Variants in FMO5 observed in about 807,000 individuals in gnomAD.
The protein encoded by FMO5 is flavin containing dimethylaniline monoxygenase 5.
Under a neutral mutation model 43.6 loss-of-function variants are expected in FMO5, and 51 were observed. The ratio of observed to expected loss-of-function variants is 1.17; its 90% CI spans 0.93 to 1.48. The LOEUF (loss-of-function observed/expected upper bound fraction) is 1.48, where lower values mean the gene tolerates loss of function less well. Among genes scored for constraint, FMO5 ranks in the 40% most tolerant of loss-of-function variants. The pLI is 0.00. For missense variants in FMO5, 644 were observed against 643.0 expected (o/e 1.00, Z -0.02); for synonymous variants, 187 against 216.5 (o/e 0.86, Z 1.20).
intron 2 of FMO5, among the ~76,000 whole-genome samples, chr1:147,221,940 A>G (rs1278754226): frequency 6.6e-6 from 1 of 152,256 alleles, no homozygotes; most frequent in Non-Finnish European, 1.5e-5. Context: ...TAGTGAGTAG[A>G]AGAAAAAGAA....
intron 8 of FMO5, among the ~76,000 whole-genome samples, chr1:147,187,869 G>T (rs1655909262): frequency 6.6e-6 from 1 of 152,212 alleles, no homozygotes; most frequent in African/African-American, 2.4e-5. Context: ...ATATCTGTGT[G>T]GTGGAGTGGG....
chr1:147,192,305 C>T (rs1215104094), intron 7 of FMO5, among the ~76,000 whole-genome samples: 58 of 152,070 alleles, frequency 3.8e-4, no homozygotes, highest in African/African-American at 1.2e-3. Flanking sequence ...TGATTTGGCT[C>T]TCTGTTTGTC....
intron 7 of FMO5, among the ~76,000 whole-genome samples, chr1:147,194,750 G>T (rs4558036): frequency 0.37 from 55,823 of 150,424 alleles, 10,832 homozygotes; most frequent in African/African-American, 0.5. Flanking sequence ...AGTATTTTAT[G>T]TCTCCTTCAC....
Position 147,225,298 on chromosome 1 carries a change from A to G in FMO5, c.-49T>C, listed in dbSNP as rs1663851263. 1 of 712,514 alleles carries G rather than the reference A, an allele frequency of 1.4e-6. No homozygotes were observed. The allele number at this position is 712,514 out of a possible 1,614,324, so 44.1% of individuals were successfully genotyped here. ...GTACCGGATCTCACCGCCTTTCCTG[A>G]AGCGCTCAACAGATCCTTCAGCTGC... On this transcript the variant is annotated 5_prime_UTR_variant, in exon 1 of 9. Coordinates refer to ENST00000254090, the MANE Select transcript of FMO5 (RefSeq NM_001461.4).
chr1:147,218,243 AT>A (rs11391075), intron 2 of FMO5, among the ~76,000 whole-genome samples: 1 of 150,272 alleles, frequency 6.7e-6, no homozygotes, highest in African/African-American at 2.4e-5. Context: ...AACATGCAGA[AT>A]TTTTTTTTTT....
intron 5 of FMO5, 89 bp from the exon 6 acceptor site, chr1:147,209,140 C>T: frequency 8.5e-7 from 1 of 1,173,526 alleles, no homozygotes; most frequent in Admixed American, 2.1e-5. Flanking sequence ...TCATTTCAGG[C>T]CCGGCGCGGT....
At chr1:147,218,530 C>T (rs7514864) in intron 2 of FMO5, among the ~76,000 whole-genome samples, 21,817 of 152,034 alleles carry the variant, frequency 0.14, 1,536 homozygotes, top group South Asian at 0.18. Flanking sequence ...GCCACCGCGC[C>T]CAGCCTCAAC....
At chr1:147,194,958 A>C (rs1297233593) in intron 7 of FMO5, among the ~76,000 whole-genome samples, 1 of 151,432 alleles carries the variant, frequency 6.6e-6, no homozygotes, top group Non-Finnish European at 1.5e-5. Flanking sequence ...CTTCATTTCA[A>C]CTTTGGTGAA....
In FMO5 at chr1:147,208,984, T is replaced by A. The variant is rs782111398; in HGVS notation, c.698A>T (p.Asp233Val). ...TGTAAGTCGAGAAGAGAACAACACA[T>A]CAGCAGGATATCCGTAGTCCCCTAC... ...NRVGDYGYPA[D>V]VLFSSRLTHF... Residue 233 changes from aspartate (D) to valine (V), a missense_variant, in exon 6 of 9, where the codon GAT (aspartate) becomes GTT (valine). Coordinates refer to ENST00000254090, the MANE Select transcript of FMO5 (RefSeq NM_001461.4). 1.9e-6 allele frequency: 3 copies of A among 1,613,952 alleles called. No individual in the cohort carries two copies. The highest frequency in any genetic ancestry group is 2.5e-6 in the Non-Finnish European group (3 of 1,179,940).
rs1553923130 is a variant in FMO5, at chr1:147,209,010, A to T, written c.672T>A (p.Arg224=). ...CAGCAGGATATCCGTAGTCCCCTAC[A>T]CGATTCAGGATCCAAGCCCCTCTCC... ...STRRGAWILN[R]VGDYGYPADV... Residue 224 remains arginine (R), a synonymous_variant, in exon 6 of 9, where the codon CGT becomes CGA. Coordinates refer to ENST00000254090, the MANE Select transcript of FMO5 (RefSeq NM_001461.4). 2 of 1,614,106 alleles carry T rather than the reference A, an allele frequency of 1.2e-6. No individual in the cohort carries two copies. The highest frequency in any genetic ancestry group is 2.2e-5 in the East Asian group (1 of 44,900).
chr1:147,190,091 T>G, intron 8 of FMO5, 86 bp downstream of exon 8: 2 of 848,524 alleles, frequency 2.4e-6, no homozygotes, highest in Non-Finnish European at 3.7e-6. Context: ...TAAGCTAACA[T>G]GAGGCAGTTA....
chr1:147,212,569 G>C, intron 4 of FMO5, 34 bp from the exon 5 acceptor site: 1 of 1,587,414 alleles, frequency 6.3e-7, no homozygotes, highest in South Asian at 1.1e-5. Flanking sequence ...ATTGGGTAAT[G>C]GTTTACATGA....
At chr1:147,207,816 G>A (rs190322026) in intron 6 of FMO5, among the ~76,000 whole-genome samples, 10 of 152,104 alleles carry the variant, frequency 6.6e-5, no homozygotes, top group Non-Finnish European at 1.3e-4. Context: ...CTACCCATTC[G>A]CTCTGAAGTA....
intron 6 of FMO5, among the ~76,000 whole-genome samples, chr1:147,206,275 T>C (rs1660030608): frequency 6.6e-6 from 1 of 151,870 alleles, no homozygotes; most frequent in East Asian, 1.9e-4. Flanking sequence ...CAACAGGTGC[T>C]GGAGAGGATG....
At chr1:147,190,964 G>C (rs1193547103) in intron 7 of FMO5, among the ~76,000 whole-genome samples, 2 of 151,978 alleles carry the variant, frequency 1.3e-5, no homozygotes, top group Non-Finnish European at 2.9e-5. Flanking sequence ...ATAGTTTGCT[G>C]AGAATGATGG....
intron 6 of FMO5, among the ~76,000 whole-genome samples, chr1:147,201,746 G>T (rs1659013578): frequency 6.6e-6 from 1 of 152,152 alleles, no homozygotes; most frequent in African/African-American, 2.4e-5. Flanking sequence ...AGTGTTGTTT[G>T]AGGAGTGCAT....
chr1:147,203,424 A>G (rs1445569852), intron 6 of FMO5: 15 of 866,546 alleles, frequency 1.7e-5, no homozygotes, highest in Admixed American at 3.4e-5. Context: ...CCAGGTAAGT[A>G]TCTAGAACAC....
intron 2 of FMO5, chr1:147,224,034 C>A (rs1571449389): frequency 2.4e-6 from 1 of 413,632 alleles, no homozygotes; most frequent in Non-Finnish European, 4.8e-6. Flanking sequence ...GCACACGATG[C>A]GGATCCCATC....
At chr1:147,213,523 C>A (rs1489294640) in intron 3 of FMO5, 53 bp from the exon 4 acceptor site, 1 of 1,488,098 alleles carries the variant, frequency 6.7e-7, no homozygotes, top group Non-Finnish European at 9.1e-7. Context: ...ACTCTCCTTG[C>A]ATAGTGTTAC....
Sources: allele counts gnomAD v4.1 joint callset (sites outside exome capture counted in the v4.1 genomes callset), GRCh38; gene constraint gnomAD v4.1.1; transcripts MANE v1.5; gene names NCBI Gene and HGNC (gene_info 2026-07-23, HGNC 2026-07-21).